DDX6: variants seen among roughly 807,000 people sequenced by gnomAD.
DDX6 encodes DEAD-box helicase 6, also known as probable ATP-dependent RNA helicase DDX6.
DDX6 carries 7 observed loss-of-function variants against 60.6 expected under a neutral mutation model. That is an observed-to-expected ratio of 0.12 (90% CI 0.07 to 0.22). The LOEUF is 0.22. Among genes scored for constraint, DDX6 ranks in the 10% least tolerant of loss-of-function variants. DDX6 has a pLI of 1.00. For synonymous variants in DDX6, 207 were observed against 201.0 expected, an observed-to-expected ratio of 1.03 and a Z score of -0.25; for missense variants, 270 against 589.9, an observed-to-expected ratio of 0.46 and a Z score of 5.62.
chr11:118,769,027 C>T (rs976253077), intron 4 of DDX6, among the ~76,000 whole-genome samples: 8 of 128,994 alleles, frequency 6.2e-5, no homozygotes, highest in Non-Finnish European at 1.3e-4. Flanking sequence ...TACAGTGGCT[C>T]ACATCTGTAA....
chr11:118,782,711 T>C (rs1180687713), intron 2 of DDX6, among the ~76,000 whole-genome samples: 1 of 151,030 alleles, frequency 6.6e-6, no homozygotes, highest in Non-Finnish European at 1.5e-5. Flanking sequence ...TGGCATGATC[T>C]CGGCTTACTG....
At chr11:118,789,432 TGCCATACACCAAG>T (rs921390916) in intron 1 of DDX6, 1 of 152,144 alleles carries the variant, frequency 6.6e-6, no homozygotes, top group African/African-American at 2.4e-5. Flanking sequence ...TGATTCTTTC[TGCCATACACCAAG>T]GCATGTGAAA....
intron 9 of DDX6, among the ~76,000 whole-genome samples, chr11:118,757,594 TA>T (rs1398306360): frequency 2.7e-5 from 4 of 145,712 alleles, no homozygotes; most frequent in East Asian, 2.0e-4. Context: ...TATTTTATTT[TA>T]TTTTTTTTTT....
chr11:118,764,894 G>GT, intron 6 of DDX6, among the ~76,000 whole-genome samples: 1 of 151,442 alleles, frequency 6.6e-6, no homozygotes, highest in Non-Finnish European at 1.5e-5. Context: ...TGATAGAGAT[G>GT]TAAGTTTACA....
At chr11:118,782,868 G>C (rs1009166464) in intron 2 of DDX6, among the ~76,000 whole-genome samples, 1 of 152,096 alleles carries the variant, frequency 6.6e-6, no homozygotes, top group African/African-American at 2.4e-5. Flanking sequence ...CTGACCTCGT[G>C]ATCCTCCTGC....
chr11:118,759,122 C>T (rs1042464842), intron 8 of DDX6: 58 of 472,360 alleles, frequency 1.2e-4, no homozygotes, highest in Middle Eastern at 1.3e-3. Flanking sequence ...TGTAGTGGCA[C>T]GATCTCTGCT....
At chr11:118,772,090 T>A (rs1861553120) in intron 4 of DDX6, among the ~76,000 whole-genome samples, 1 of 152,202 alleles carries the variant, frequency 6.6e-6, no homozygotes, top group Non-Finnish European at 1.5e-5. Flanking sequence ...GGTCAGTTCC[T>A]ATTTTAAAAA....
chr11:118,761,893 C>T (rs1414670639), intron 7 of DDX6, among the ~76,000 whole-genome samples: 1 of 144,104 alleles, frequency 6.9e-6, no homozygotes, highest in African/African-American at 2.5e-5. Flanking sequence ...CCATGTAAAG[C>T]ACTTAGTGCT....
intron 2 of DDX6, among the ~76,000 whole-genome samples, chr11:118,783,618 A>G (rs940752862): frequency 1.3e-4 from 18 of 141,238 alleles, no homozygotes; most frequent in Non-Finnish European, 2.5e-4. Context: ...GCCTGCAAAC[A>G]TGATGAAATC....
chr11:118,774,300 G>A (rs1861628955), intron 4 of DDX6, among the ~76,000 whole-genome samples: 1 of 152,056 alleles, frequency 6.6e-6, no homozygotes, highest in Admixed American at 6.6e-5. Flanking sequence ...TATACCTTTA[G>A]AATGGCAATT....
chr11:118,759,308 TCGGCCC>T (rs781792312), intron 8 of DDX6: 246 of 158,088 alleles, frequency 1.6e-3, no homozygotes, highest in Non-Finnish European at 2.6e-3. Flanking sequence ...TCTGCCCGCC[TCGGCCC>T]CCCAAAGTGC....
At chr11:118,771,533 G>A (rs1213901438) in intron 4 of DDX6, among the ~76,000 whole-genome samples, 1 of 152,110 alleles carries the variant, frequency 6.6e-6, no homozygotes, top group African/African-American at 2.4e-5. Flanking sequence ...GTGTTTCTCA[G>A]GAAATAATGA....
At position 118,764,837 on chromosome 11, in the gene DDX6, C is replaced by CACACACACACACAT. The variant is rs1427747282; in HGVS notation, c.646+371_646+372insATGTGTGTGTGTGT. Among the ~76,000 whole-genome samples the CACACACACACACAT allele has an allele frequency of 8.6e-4, 130 of 150,682 alleles. 1 individual carries two copies. In the South Asian group the frequency reaches 0.027, roughly 32 times the overall value. On this transcript the variant is annotated intron_variant, in intron 6 of 13. Coordinates refer to ENST00000534980, the MANE Select transcript of DDX6 (RefSeq NM_004397.6). ...AAAAAAATATACACACACACACACACATTATATATACATTTATAATTTTAA... is the reference window on the plus strand; with the variant it reads ...AAAAAAATATACACACACACACACACACACACACACACATATTATATATACATTTATAATTTTAA...
At position 118,786,033 on chromosome 11, in the gene DDX6, A is replaced by G; in HGVS notation, c.200+19T>C. The stretch of plus-strand genomic sequence containing the variant: ...TGGTTCCCCACAAGTGTTTATTAAT[A>G]ATTTACTCTAACACTTACTTAATAG... On this transcript the variant is annotated intron_variant, in intron 2 of 13. Coordinates refer to ENST00000534980, the MANE Select transcript of DDX6 (RefSeq NM_004397.6). The G allele has an allele frequency of 6.2e-7, 1 of 1,601,412 alleles. No homozygotes were observed. The highest frequency in any genetic ancestry group is 1.1e-5 in the South Asian group (1 of 89,960).
At chr11:118,786,781 C>G (rs572829745) in intron 1 of DDX6, 2 of 153,526 alleles carry the variant, frequency 1.3e-5, no homozygotes, top group African/African-American at 4.8e-5. Flanking sequence ...TAAATTAGCA[C>G]TACTCGTCAA....
rs781809637 is a variant in DDX6, at chr11:118,763,207, A to G, written c.741+5T>C. Reference sequence around the variant, plus strand: ...ACAGTATAATGCCAAATGAAGAGACATTACCTCATCCAATACTATCATCTG... The same window carrying G: ...ACAGTATAATGCCAAATGAAGAGACGTTACCTCATCCAATACTATCATCTG... On this transcript the variant is annotated splice_donor_5th_base_variant and intron_variant, in intron 7 of 13. Coordinates refer to ENST00000534980, the MANE Select transcript of DDX6 (RefSeq NM_004397.6). 6.3e-7 allele frequency: 1 copy of G among 1,586,954 alleles called. No homozygotes were observed. The highest frequency in any genetic ancestry group is 1.1e-5 in the South Asian group (1 of 87,216).
intron 5 of DDX6, 133 bp downstream of exon 5, chr11:118,768,084 AAAAAAG>A: frequency 3.4e-6 from 3 of 869,774 alleles, no homozygotes; most frequent in Non-Finnish European, 5.0e-6. Flanking sequence ...CATCAGGCTA[AAAAAAG>A]AAAAAACCTG....
rs1300690895 is a variant in DDX6, at chr11:118,749,363, A to AG, written c.*2741_*2742insC. On this transcript the variant is annotated 3_prime_UTR_variant, in exon 14 of 14. Transcript: ENST00000534980. ...ATGAGGGCCCAAAAAAGAAAGAAAA[A>AG]AAAAAAAAAAAAAAAAAAGACCAGG... 236 of 146,662 alleles carry AG rather than the reference A, an allele frequency of 1.6e-3. No individual in the cohort carries two copies. Among genetic ancestry groups the AG allele is most frequent in the African/African-American group, 5.5e-3 (221 of 40,008 alleles). 9.1% of individuals were successfully genotyped at this position (146,662 alleles called of 1,614,324 possible). A position where few individuals can be genotyped will look rare whatever the true frequency, so the allele number is the denominator to read the frequency against.
intron 2 of DDX6, 177 bp downstream of exon 2, chr11:118,785,872 AATT>A (rs1862056989): frequency 1.9e-6 from 1 of 530,250 alleles, no homozygotes; most frequent in South Asian, 3.8e-5. Context: ...TTGCTGAACA[AATT>A]ATGGCAGAAA....
Sources: allele counts gnomAD v4.1 joint callset (sites outside exome capture counted in the v4.1 genomes callset), GRCh38; gene constraint gnomAD v4.1.1; transcripts MANE v1.5; gene names NCBI Gene and HGNC (gene_info 2026-07-23, HGNC 2026-07-21).